Variants in RICTOR observed in about 807,000 individuals in gnomAD.
RICTOR encodes rapamycin-insensitive companion of mTOR.
In RICTOR, 49 loss-of-function variants were observed where a neutral mutation model predicts 214.9. The ratio of observed to expected loss-of-function variants is 0.23; its 90% CI spans 0.18 to 0.29. RICTOR has a LOEUF of 0.29. Among genes scored for constraint, RICTOR ranks in the 10% least tolerant of loss-of-function variants. The pLI, the probability that RICTOR is intolerant of heterozygous loss-of-function variation, is 1.00. For synonymous variants in RICTOR, 717 were observed against 711.3 expected (o/e 1.01, Z -0.13); for missense variants, 1,625 against 2,047.0 (o/e 0.79, Z 3.98).
chr5:38,939,201 T>C lies in RICTOR; in HGVS notation c.*3103A>G, dbSNP rs1008313737. On this transcript the variant is annotated 3_prime_UTR_variant, in exon 38 of 38. Transcript: ENST00000357387. ...TTTTATATAAATAGCAGTAGGAAAA[T>C]GTAAATAAGCATTGATATCCCACTG... The C allele has an allele frequency of 8.6e-6, 2 of 232,964 alleles. No homozygotes were observed. Among genetic ancestry groups the C allele is most frequent in the African/African-American group, 4.4e-5 (2 of 45,396 alleles). 14.4% of individuals were successfully genotyped at this position (232,964 alleles called of 1,614,324 possible).
intron 2 of RICTOR, among the ~76,000 whole-genome samples, chr5:39,042,153 T>C (rs539955666): frequency 1.3e-5 from 2 of 152,220 alleles, no homozygotes; most frequent in East Asian, 1.9e-4. Flanking sequence ...CACTGAAATA[T>C]GAAACATGCT....
At chr5:39,060,428 A>T (rs557809626) in intron 2 of RICTOR, among the ~76,000 whole-genome samples, 1 of 152,188 alleles carries the variant, frequency 6.6e-6, no homozygotes, top group Admixed American at 6.5e-5. Context: ...AAGGACTCCT[A>T]AATATAGGGA....
chr5:39,065,912 G>A (rs939663867), intron 2 of RICTOR, among the ~76,000 whole-genome samples: 1 of 152,254 alleles, frequency 6.6e-6, no homozygotes, highest in Non-Finnish European at 1.5e-5. Context: ...TTGAATGCCT[G>A]TGGCTTCTCC....
At chr5:39,045,661 T>G (rs1306877476) in intron 2 of RICTOR, among the ~76,000 whole-genome samples, 1 of 152,182 alleles carries the variant, frequency 6.6e-6, no homozygotes, top group Non-Finnish European at 1.5e-5. Context: ...ATATCCAGTC[T>G]ATTAGAATTA....
In RICTOR at chr5:38,938,862, A is replaced by C. The variant is rs45622440; in HGVS notation, c.*3442T>G. On this transcript the variant is annotated 3_prime_UTR_variant, in exon 38 of 38. Coordinates refer to ENST00000357387, the MANE Select transcript of RICTOR (RefSeq NM_152756.5). ...CCTAACTTACATTTTGGAAAATCTG[A>C]AATGTTGGTTCATTCCAAATAGCTC... 1 of 233,134 alleles carries C rather than the reference A, an allele frequency of 4.3e-6. No homozygotes were observed. The highest frequency in any genetic ancestry group is 8.5e-6 in the Non-Finnish European group (1 of 117,706). The allele number at this position is 233,134 out of a possible 1,614,324, so 14.4% of individuals were successfully genotyped here.
At chr5:39,042,423 T>C (rs910425983) in intron 2 of RICTOR, among the ~76,000 whole-genome samples, 2 of 152,254 alleles carry the variant, frequency 1.3e-5, no homozygotes, top group Non-Finnish European at 2.9e-5. Context: ...ACTACTATTA[T>C]TGTCCTCATG....
chr5:38,997,504 T>C (rs1280117192), intron 5 of RICTOR, among the ~76,000 whole-genome samples: 3 of 152,176 alleles, frequency 2.0e-5, no homozygotes, highest in African/African-American at 4.8e-5. Context: ...TATATATAGA[T>C]AGTCTGTGAT....
At chr5:39,029,498 T>C (rs1756106454) in intron 2 of RICTOR, among the ~76,000 whole-genome samples, 1 of 152,218 alleles carries the variant, frequency 6.6e-6, no homozygotes, top group Admixed American at 6.5e-5. Flanking sequence ...ACTATATTGT[T>C]ATCTTTACCT....
intron 7 of RICTOR, among the ~76,000 whole-genome samples, chr5:38,983,432 T>C (rs1352135405): frequency 6.6e-6 from 1 of 152,184 alleles, no homozygotes; most frequent in Non-Finnish European, 1.5e-5. Context: ...CTGTCTCCTT[T>C]CCAATATATA....
At chr5:39,003,424 T>C (rs1369704616) in intron 4 of RICTOR, 134 bp downstream of exon 4, 2 of 549,646 alleles carry the variant, frequency 3.6e-6, no homozygotes, top group African/African-American at 3.9e-5. Flanking sequence ...CTTAGATTTT[T>C]TCTAATGTTC....
chr5:39,011,910 T>C (rs2150122039), intron 3 of RICTOR, among the ~76,000 whole-genome samples: 1 of 152,216 alleles, frequency 6.6e-6, no homozygotes, highest in African/African-American at 2.4e-5. Context: ...GACTTGGACT[T>C]TTGGGTTAAT....
intron 7 of RICTOR, among the ~76,000 whole-genome samples, chr5:38,983,192 T>G (rs987966679): frequency 1.3e-5 from 2 of 152,200 alleles, no homozygotes; most frequent in African/African-American, 4.8e-5. Context: ...ATTTGACAAA[T>G]TCAAAAGTAC....
intron 2 of RICTOR, among the ~76,000 whole-genome samples, chr5:39,036,860 T>A (rs1756747953): frequency 6.6e-6 from 1 of 151,956 alleles, no homozygotes; most frequent in Non-Finnish European, 1.5e-5. Flanking sequence ...TCCCACACAA[T>A]AATAATGGGA....
At position 38,963,049 on chromosome 5, in the gene RICTOR, G is replaced by C. The variant is rs1403461343; in HGVS notation, c.1401-8C>G. The C allele has an allele frequency of 6.3e-7, 1 of 1,598,692 alleles. No homozygotes were observed. Among genetic ancestry groups the C allele is most frequent in the Non-Finnish European group, 8.5e-7 (1 of 1,171,790 alleles). On this transcript the variant is annotated splice_region_variant and splice_polypyrimidine_tract_variant and intron_variant, in intron 16 of 37. Transcript: ENST00000357387. ...AAGGCTGCACTGGCTCGCCTAATGA[G>C]AAAAACAATTCAATCAATACAGTAG...
intron 3 of RICTOR, among the ~76,000 whole-genome samples, chr5:39,004,054 T>G (rs888895457): frequency 1.3e-5 from 2 of 152,208 alleles, no homozygotes; most frequent in Non-Finnish European, 2.9e-5. Flanking sequence ...TTTTCTATCT[T>G]TTAAAAACTA....
intron 5 of RICTOR, among the ~76,000 whole-genome samples, chr5:39,000,887 A>G (rs1382823519): frequency 6.6e-6 from 1 of 152,106 alleles, no homozygotes; most frequent in African/African-American, 2.4e-5. Context: ...TATCAGAAAA[A>G]TATCTTAGAA....
chr5:39,001,751 A>G (rs1753638212), intron 5 of RICTOR, among the ~76,000 whole-genome samples: 1 of 152,108 alleles, frequency 6.6e-6, no homozygotes, highest in Admixed American at 6.6e-5. Context: ...TCAACCAGCA[A>G]ATGAAAAGTG....
At chr5:39,028,563 T>C (rs1756032807) in intron 2 of RICTOR, among the ~76,000 whole-genome samples, 1 of 152,200 alleles carries the variant, frequency 6.6e-6, no homozygotes, top group Admixed American at 6.5e-5. Flanking sequence ...TCTGTCAATA[T>C]TATGATTCTG....
intron 2 of RICTOR, among the ~76,000 whole-genome samples, chr5:39,060,809 T>C (rs537367566): frequency 2.6e-5 from 4 of 152,006 alleles, no homozygotes; most frequent in Non-Finnish European, 5.9e-5. Context: ...ATCTTATACA[T>C]GATGCTGTCT....
Sources: allele counts gnomAD v4.1 joint callset (sites outside exome capture counted in the v4.1 genomes callset), GRCh38; gene constraint gnomAD v4.1.1; transcripts MANE v1.5; gene names NCBI Gene and HGNC (gene_info 2026-07-23, HGNC 2026-07-21).